The following HORMAD2 variants were observed in gnomAD, a reference collection of about 807,000 sequenced individuals.
HORMAD2 encodes HORMA domain-containing protein 2.
Under a neutral mutation model 38.8 loss-of-function variants are expected in HORMAD2, and 45 were observed. The ratio of observed to expected loss-of-function variants is 1.16; its 90% CI spans 0.91 to 1.49. The LOEUF is 1.49. HORMAD2 is among the 40% of genes most tolerant of loss of function. The pLI is 0.00. For synonymous variants in HORMAD2, 126 were observed against 122.8 expected, an observed-to-expected ratio of 1.03 and a Z score of -0.17; for missense variants, 338 against 367.0, an observed-to-expected ratio of 0.92 and a Z score of 0.65.
chr22:30,201,412 C>CTTTT, the HORMAD2 span, among the ~76,000 whole-genome samples: 5 of 121,060 alleles, frequency 4.1e-5, no homozygotes, highest in Admixed American at 8.9e-5. Flanking sequence ...AGAGTTAAGA[C>CTTTT]TTTTTTTTTT....
At chr22:30,125,587 T>A (rs1355279480) in intron 10 of HORMAD2, among the ~76,000 whole-genome samples, 1 of 152,170 alleles carries the variant, frequency 6.6e-6, no homozygotes, top group Non-Finnish European at 1.5e-5. Context: ...TTTAATATAG[T>A]CTAATCTTTT....
At chr22:30,155,019 G>A (rs1350485752) in intron 10 of HORMAD2, among the ~76,000 whole-genome samples, 1 of 151,328 alleles carries the variant, frequency 6.6e-6, no homozygotes, top group Non-Finnish European at 1.5e-5. Context: ...TGCAGTGAGA[G>A]CTATGTTCAC....
the HORMAD2 span, among the ~76,000 whole-genome samples, chr22:30,187,301 A>G: frequency 4.2e-3 from 641 of 152,332 alleles, 5 homozygotes; most frequent in African/African-American, 0.014. Flanking sequence ...ACTGAGGCAC[A>G]GAGAAATTAA....
At chr22:30,187,943 T>A in the HORMAD2 span, among the ~76,000 whole-genome samples, 1 of 152,130 alleles carries the variant, frequency 6.6e-6, no homozygotes, top group Non-Finnish European at 1.5e-5. Context: ...AAGAGGAATG[T>A]AGGCTAGTCA....
At chr22:30,186,889 C>T in the HORMAD2 span, among the ~76,000 whole-genome samples, 4 of 149,758 alleles carry the variant, frequency 2.7e-5, no homozygotes, top group African/African-American at 7.4e-5. Context: ...AATTCATCTA[C>T]GACCAAAGAA....
chr22:30,176,138 G>C lies in HORMAD2; in HGVS notation c.895G>C (p.Val299Leu). The C allele has an allele frequency of 1.2e-6, 2 of 1,611,616 alleles. No homozygotes were observed. The highest frequency in any genetic ancestry group is 2.2e-5 in the South Asian group (2 of 91,022). ...SRKKRKVSEP[V>L]KVFIPNRK Reference sequence around the variant, plus strand: ...GAAGAAGAGGAAGGTCAGTGAACCAGTGAAGGTCTTCATCCCTAACAGAAA... The same window carrying C: ...GAAGAAGAGGAAGGTCAGTGAACCACTGAAGGTCTTCATCCCTAACAGAAA... Residue 299 changes from valine (V) to leucine (L), a missense_variant, in exon 11 of 11, where the codon GTG becomes CTG. Coordinates refer to ENST00000336726, the MANE Select transcript of HORMAD2 (RefSeq NM_152510.4).
At chr22:30,130,586 C>CTTTTTTTTTTTTTTTTTTT (rs66636269) in intron 10 of HORMAD2, among the ~76,000 whole-genome samples, 1 of 87,912 alleles carries the variant, frequency 1.1e-5, no homozygotes, top group Non-Finnish European at 2.3e-5. Context: ...CTTTTCTTTT[C>CTTTTTTTTTTTTTTTTTTT]TTTTTTTTTT....
chr22:30,085,140 C>T (rs1316164307), intron 1 of HORMAD2, among the ~76,000 whole-genome samples: 5 of 147,020 alleles, frequency 3.4e-5, no homozygotes, highest in Admixed American at 1.4e-4. Context: ...AGCCAGACTC[C>T]GTCTCAAAAA....
Position 30,134,150 on chromosome 22 carries a change from G to A in HORMAD2, c.819+11936G>A, listed in dbSNP as rs1328575700. Among the ~76,000 whole-genome samples, 5 of 152,064 alleles carry A rather than the reference G, an allele frequency of 3.3e-5. No homozygotes were observed. The East Asian group carries it at 9.7e-4, about 29-fold the overall frequency. ...GTGGTGGCTAATGCCTGTAATCCCA[G>A]CACTCTGCGAGGCCAAGGCGGGTGA... On this transcript the variant is annotated intron_variant, in intron 10 of 10. Transcript: ENST00000336726.
intron 8 of HORMAD2, among the ~76,000 whole-genome samples, chr22:30,120,001 C>T (rs753997531): frequency 8.2e-4 from 125 of 152,172 alleles, no homozygotes; most frequent in Non-Finnish European, 1.5e-3. Context: ...ACAGCTTATA[C>T]AGCAGCACTT....
At chr22:30,189,829 C>T in the HORMAD2 span, among the ~76,000 whole-genome samples, 1 of 152,178 alleles carries the variant, frequency 6.6e-6, no homozygotes, top group Non-Finnish European at 1.5e-5. Context: ...ACCCTGCTGC[C>T]TGCTGTTCCT....
intron 10 of HORMAD2, among the ~76,000 whole-genome samples, chr22:30,127,458 C>A (rs1039367271): frequency 6.6e-6 from 1 of 152,106 alleles, no homozygotes; most frequent in Admixed American, 6.5e-5. Flanking sequence ...CCGCCCACCT[C>A]GGCCTCCCAA....
the HORMAD2 span, among the ~76,000 whole-genome samples, chr22:30,206,016 A>G: frequency 6.6e-6 from 1 of 152,092 alleles, no homozygotes; most frequent in Non-Finnish European, 1.5e-5. Flanking sequence ...CAGAAGGGTG[A>G]CAACCTAACA....
Position 30,121,615 on chromosome 22 carries a change from C to T in HORMAD2, c.411-17C>T. On this transcript the variant is annotated splice_polypyrimidine_tract_variant and intron_variant, in intron 8 of 10. Transcript: ENST00000336726. ...CTATTGTATATGATCAAAAAGTATGCTTTTTTTTCTGTGTAGTCATAGCAG... is the reference window on the plus strand; with the variant it reads ...CTATTGTATATGATCAAAAAGTATGTTTTTTTTTCTGTGTAGTCATAGCAG... 1.3e-6 allele frequency: 2 copies of T among 1,548,666 alleles called. No individual in the cohort carries two copies. Among genetic ancestry groups the T allele is most frequent in the Non-Finnish European group, 1.7e-6 (2 of 1,148,488 alleles).
At chr22:30,181,268 G>A (rs1319887720), downstream of HORMAD2, among the ~76,000 whole-genome samples, 1 of 151,976 alleles carries the variant, frequency 6.6e-6, no homozygotes, top group African/African-American at 2.4e-5. Flanking sequence ...CCCACCAAAA[G>A]TGCTGGGATT....
chr22:30,206,173 G>A, the HORMAD2 span, among the ~76,000 whole-genome samples: 1 of 151,778 alleles, frequency 6.6e-6, no homozygotes, highest in Non-Finnish European at 1.5e-5. Flanking sequence ...TTTTTGTTTT[G>A]TTTTGTTTTT....
downstream of HORMAD2, among the ~76,000 whole-genome samples, chr22:30,181,000 ACCTACCCTAC>A (rs1227922173): frequency 2.0e-5 from 2 of 98,576 alleles, no homozygotes; most frequent in African/African-American, 4.1e-5. Flanking sequence ...TCCTCCCCTA[ACCTACCCTAC>A]CCTACCCTAC....
chr22:30,191,190 C>T, the HORMAD2 span, among the ~76,000 whole-genome samples: 6,490 of 152,198 alleles, frequency 0.043, 463 homozygotes, highest in African/African-American at 0.15. Flanking sequence ...AAGCCAACTC[C>T]AGACAGCTCG....
chr22:30,134,727 A>G (rs1923541942), intron 10 of HORMAD2, among the ~76,000 whole-genome samples: 1 of 151,952 alleles, frequency 6.6e-6, no homozygotes, highest in Non-Finnish European at 1.5e-5. Flanking sequence ...CTATATTCTA[A>G]TCAACAATAG....
Sources: allele counts gnomAD v4.1 joint callset (sites outside exome capture counted in the v4.1 genomes callset), GRCh38; gene constraint gnomAD v4.1.1; transcripts MANE v1.5; gene names NCBI Gene and HGNC (gene_info 2026-07-23, HGNC 2026-07-21).